The following AGRN variants were observed in gnomAD, a reference collection of about 807,000 sequenced individuals.
The protein encoded by AGRN is agrin, also known as agrin proteoglycan.
AGRN carries 106 observed loss-of-function variants against 211.0 expected under a neutral mutation model. The ratio of observed to expected loss-of-function variants is 0.50; its 90% confidence interval spans 0.43 to 0.59. AGRN has a LOEUF of 0.59. AGRN is among the 20% of genes least tolerant of loss of function. AGRN has a pLI of 0.00. For synonymous variants in AGRN, 1,525 were observed against 1,332.5 expected (o/e 1.14, Z -3.15); for missense variants, 3,040 against 2,982.6 (o/e 1.02, Z -0.45).
Position 1,043,950 on chromosome 1 carries a change from C to T in AGRN, c.1926C>T (p.Ala642=), listed in dbSNP as rs1412601608. The T allele has an allele frequency of 2.5e-6, 4 of 1,606,476 alleles. No homozygotes were observed. The Admixed American group carries it at 6.7e-5, about 27-fold the overall frequency. The change falls in exon 10 of 36, where the codon GCC becomes GCT. Residue 642 remains alanine, a synonymous_variant. Coordinates refer to ENST00000379370, the MANE Select transcript of AGRN (RefSeq NM_198576.4). ...GCGACGGTGTCACCTACGGCAGTGCCTGCGAGCTACGGGAAGCCGCCTGCC... is the reference window on the plus strand; with the variant it reads ...GCGACGGTGTCACCTACGGCAGTGCTTGCGAGCTACGGGAAGCCGCCTGCC... ...CGSDGVTYGS[A]CELREAACLQ...
chr1:1,035,056 A>C, intron 2 of AGRN: 2 of 628,564 alleles, frequency 3.2e-6, no homozygotes, highest in Non-Finnish European at 2.8e-6. Flanking sequence ...GGGTCAGGCC[A>C]TGACTATTTG....
chr1:1,041,932 G>A (rs1644953618), intron 6 of AGRN, 24 bp from the exon 7 acceptor site: 1 of 1,610,122 alleles, frequency 6.2e-7, no homozygotes, highest in Admixed American at 1.7e-5. Context: ...GCCTCTCCGT[G>A]ACTCCCTCAC....
chr1:1,029,408 T>TGGGGGGATCAGTGACTATGCAGGCAGGG (rs1557687855), intron 2 of AGRN, among the ~76,000 whole-genome samples: 1 of 81,280 alleles, frequency 1.2e-5, no homozygotes. Flanking sequence ...TGCAGGCAGG[T>TGGGGGGATCAGTGACTATGCAGGCAGGG]GGGGGGGACA....
At position 1,032,421 on chromosome 1, in the gene AGRN, CAGG is replaced by C. The variant is rs921113170; in HGVS notation, c.464-2852_464-2850del. On this transcript the variant is annotated intron_variant, in intron 2 of 35. Transcript: ENST00000379370. The surrounding 1 kb of genome is among the most constrained non-coding windows in gnomAD (Gnocchi z 4.7). ...GCTGGGGCCCTTGGAGGAGCCTGACCAGGAGGTGAGACAGGGCACCTGGAAGGA... is the reference window on the plus strand; with the variant it reads ...GCTGGGGCCCTTGGAGGAGCCTGACCAGGTGAGACAGGGCACCTGGAAGGA... Among the ~76,000 whole-genome samples the C allele has an allele frequency of 1.3e-5, 2 of 152,092 alleles. No individual in the cohort carries two copies. Among genetic ancestry groups the C allele is most frequent in the African/African-American group, 4.8e-5 (2 of 41,386 alleles).
At chr1:1,024,783 C>T (rs1251331918) in intron 2 of AGRN, among the ~76,000 whole-genome samples, 3 of 152,110 alleles carry the variant, frequency 2.0e-5, no homozygotes, top group African/African-American at 4.8e-5. Flanking sequence ...AGAAAGGCTC[C>T]TCCCCCCTTC....
chr1:1,047,041 G>C (rs1192498130), intron 19 of AGRN, 84 bp downstream of exon 19: 1 of 1,536,938 alleles, frequency 6.5e-7, no homozygotes, highest in Non-Finnish European at 8.8e-7. Flanking sequence ...CAGCAGGTCA[G>C]TGCCGGGGGT....
chr1:1,030,606 TGTGTGTGTGTGC>T (rs1644646161), intron 2 of AGRN, among the ~76,000 whole-genome samples: 1 of 20,336 alleles, frequency 4.9e-5, no homozygotes. Flanking sequence ...GAGATCAGCG[TGTGTGTGTGTGC>T]AGTGCATGGT....
Position 1,051,312 on chromosome 1 carries a change from C to T in AGRN, c.5313C>T (p.Phe1771=). ...TCTACGTAGGGGGCGCTCCCGACTT[C>T]AGCAAGCTGGCCCGTGCTGCTGCCG... is the stretch of plus-strand genomic sequence containing the variant. ...EPLYVGGAPD[F]SKLARAAAVS... Residue 1771 remains phenylalanine (F), a synonymous_variant, in exon 31 of 36, where the codon TTC becomes TTT. Coordinates refer to ENST00000379370, the MANE Select transcript of AGRN (RefSeq NM_198576.4). 1.3e-6 allele frequency: 2 copies of T among 1,571,492 alleles called. No individual in the cohort carries two copies. Among genetic ancestry groups the T allele is most frequent in the South Asian group, 2.3e-5 (2 of 85,532 alleles).
At chr1:1,025,187 G>A (rs1644492849) in intron 2 of AGRN, among the ~76,000 whole-genome samples, 1 of 152,072 alleles carries the variant, frequency 6.6e-6, no homozygotes, top group Non-Finnish European at 1.5e-5. Flanking sequence ...CTGGCACAGG[G>A]ACAGGGCAGG....
In AGRN at chr1:1,041,176, C is replaced by T; in HGVS notation, c.731C>T (p.Ser244Leu). 7.1e-7 allele frequency: 1 copy of T among 1,414,948 alleles called. No homozygotes were observed. The highest frequency in any genetic ancestry group is 9.2e-7 in the Non-Finnish European group (1 of 1,087,802). 87.6% of individuals were successfully genotyped at this position (1,414,948 alleles called of 1,614,324 possible). ...IRLLSRGPCG[S>L]RDPCSNVTCS... ...ACCGGCAAAGCCCCGCCCGCAGGCT[C>T]GCGGGACCCCTGCTCCAACGTGACC... The change falls in exon 5 of 36, where the codon TCG becomes TTG. Residue 244 changes from serine (S) to leucine (L), a missense_variant. Ser to Leu is a moderately radical substitution (Grantham distance 145). Around this residue, in one of 3 missense-constraint regions of AGRN, gnomAD observed 1,498 missense variants for 1,457.8 expected, o/e 1.03. Transcript: ENST00000379370.
intron 3 of AGRN, 140 bp downstream of exon 3, chr1:1,035,464 T>A: frequency 8.4e-7 from 1 of 1,197,246 alleles, no homozygotes; most frequent in Non-Finnish European, 1.2e-6. Flanking sequence ...GCGTCTGTCC[T>A]GGGAGTCCGC....
chr1:1,053,937 C>T lies in AGRN; in HGVS notation c.5836C>T (p.Pro1946Ser). ...SQPVVLRSTVPVNTNRWLRVV... is the reference protein window; with the variant it reads ...SQPVVLRSTVSVNTNRWLRVV... Reference sequence around the variant, plus strand: ...GCCCGTGGTGCTGCGTTCCACCGTGCCCGTCAACACCAACCGCTGGTTGCG... The same window carrying T: ...GCCCGTGGTGCTGCGTTCCACCGTGTCCGTCAACACCAACCGCTGGTTGCG... The change falls in exon 34 of 36, where the codon CCC (proline) becomes TCC (serine). Residue 1946 changes from proline to serine, a missense_variant. Physicochemically the swap from Pro to Ser is moderately conservative, Grantham distance 74 (BLOSUM62 -1). Around this residue, in one of 3 missense-constraint regions of AGRN, gnomAD observed 1,537 missense variants for 1,505.0 expected, o/e 1.02. Coordinates refer to ENST00000379370, the MANE Select transcript of AGRN (RefSeq NM_198576.4). 1 of 1,604,162 alleles carries T rather than the reference C, an allele frequency of 6.2e-7. No homozygotes were observed. Among genetic ancestry groups the T allele is most frequent in the Non-Finnish European group, 8.5e-7 (1 of 1,176,268 alleles).
In AGRN at chr1:1,042,127, A is replaced by T; in HGVS notation, c.1349A>T (p.Gln450Leu). 1 of 1,600,594 alleles carries T rather than the reference A, an allele frequency of 6.2e-7. No individual in the cohort carries two copies. Among genetic ancestry groups the T allele is most frequent in the East Asian group, 2.2e-5 (1 of 44,786 alleles). The change falls in exon 7 of 36, where the codon CAG becomes CTG. Residue 450 changes from glutamine to leucine, a missense_variant. By Grantham distance (113) the Gln-to-Leu change is moderately radical (BLOSUM62 -2). Coordinates refer to ENST00000379370, the MANE Select transcript of AGRN (RefSeq NM_198576.4). ...CGGCAGCAGGCTGAGTGCCGGCAGC[A>T]GCGTGCCATCCCCAGCAAGCACCAG... ...CWRQQAECRQ[Q>L]RAIPSKHQGP... is the part of the protein sequence containing the mutation.
rs1051849821 is a variant in AGRN at position 1,055,103 on chromosome 1, G to A, written c.*122G>A. The A allele has an allele frequency of 2.7e-5, 40 of 1,458,742 alleles. No individual in the cohort carries two copies. The highest frequency in any genetic ancestry group is 3.7e-5 in the South Asian group (3 of 81,346). The allele number at this position is 1,458,742 out of a possible 1,614,324, so 90.4% of individuals were successfully genotyped here. A position where few individuals can be genotyped will look rare whatever the true frequency, so the allele number is the denominator to read the frequency against. ...GGACTGCTGGCCCGGCCTCCCTTCCGTCCAGGCAGCCGTGCTGCAGACAGA... is the reference window on the plus strand; with the variant it reads ...GGACTGCTGGCCCGGCCTCCCTTCCATCCAGGCAGCCGTGCTGCAGACAGA... On this transcript the variant is annotated 3_prime_UTR_variant, in exon 36 of 36. Coordinates refer to ENST00000379370, the MANE Select transcript of AGRN (RefSeq NM_198576.4).
At chr1:1,038,811 G>T (rs1332859066) in intron 3 of AGRN, among the ~76,000 whole-genome samples, 2 of 152,228 alleles carry the variant, frequency 1.3e-5, no homozygotes, top group Non-Finnish European at 2.9e-5. Flanking sequence ...GAGTCCCAGG[G>T]CCTTGGACAA....
At chr1:1,050,873 T>C in intron 30 of AGRN, 36 bp downstream of exon 30, 1 of 1,527,874 alleles carries the variant, frequency 6.5e-7, no homozygotes, top group Middle Eastern at 1.8e-4. Flanking sequence ...CTCCCGCTGC[T>C]GCCTGCTCTT....
chr1:1,054,762 G>A (rs538247338), intron 35 of AGRN, 62 bp from the exon 36 acceptor site: 24 of 1,534,046 alleles, frequency 1.6e-5, no homozygotes, highest in Middle Eastern at 2.3e-4. Context: ...TCACCTGCTC[G>A]TTGGGGTGCC....
rs185797292 is a variant in AGRN at position 1,055,364 on chromosome 1, G to C, written c.*383G>C. The C allele has an allele frequency of 5.5e-6, 2 of 360,518 alleles. No homozygotes were observed. Among genetic ancestry groups the C allele is most frequent in the African/African-American group, 4.2e-5 (2 of 47,370 alleles). 22.3% of individuals were successfully genotyped at this position (360,518 alleles called of 1,614,324 possible). A position where few individuals can be genotyped will look rare whatever the true frequency, so the allele number is the denominator to read the frequency against. On this transcript the variant is annotated 3_prime_UTR_variant, in exon 36 of 36. Transcript: ENST00000379370. ...GAGGTCTGATGGGGCCCTTCCTCCGGGTGACCCCACAGGGCCTTTCCAAGC... is the reference window on the plus strand; with the variant it reads ...GAGGTCTGATGGGGCCCTTCCTCCGCGTGACCCCACAGGGCCTTTCCAAGC...
chr1:1,041,873 T>G (rs1644951801), intron 6 of AGRN, 83 bp from the exon 7 acceptor site: 2 of 1,584,392 alleles, frequency 1.3e-6, no homozygotes, highest in Non-Finnish European at 1.7e-6. Context: ...GAGGGCCGCC[T>G]GCTCCCCTGC....
Sources: allele counts gnomAD v4.1 joint callset (sites outside exome capture counted in the v4.1 genomes callset), GRCh38; gene constraint gnomAD v4.1.1; regional missense constraint gnomAD v4.1.1; non-coding constraint Gnocchi (gnomAD v3.1); transcripts MANE v1.5; gene names NCBI Gene and HGNC (gene_info 2026-07-23, HGNC 2026-07-21).